The following PPP2R5A variants were observed in gnomAD, a reference collection of about 807,000 sequenced individuals.
PPP2R5A encodes protein phosphatase 2 regulatory subunit B'alpha.
A neutral mutation model predicts 64.2 loss-of-function variants in PPP2R5A; 25 were observed. The ratio of observed to expected loss-of-function variants is 0.39; its 90% CI spans 0.28 to 0.54. The LOEUF (loss-of-function observed/expected upper bound fraction) is 0.54. Among genes scored for constraint, PPP2R5A ranks in the 20% least tolerant of loss-of-function variants. The pLI is 0.67. For synonymous variants in PPP2R5A, 198 were observed against 201.2 expected (o/e 0.98, Z 0.13); for missense variants, 425 against 576.3 (o/e 0.74, Z 2.69).
At chr1:212,340,092 G>A (rs946170277) in intron 3 of PPP2R5A, among the ~76,000 whole-genome samples, 9 of 149,844 alleles carry the variant, frequency 6.0e-5, no homozygotes, top group Non-Finnish European at 1.0e-4. Flanking sequence ...CTGGGAGTTC[G>A]AGACCAGCCT....
At chr1:212,286,542 C>T (rs1027592664) in intron 1 of PPP2R5A, among the ~76,000 whole-genome samples, 1 of 152,176 alleles carries the variant, frequency 6.6e-6, no homozygotes, top group African/African-American at 2.4e-5. Context: ...GGCCAACACC[C>T]TTCCCCACCT....
intron 8 of PPP2R5A, among the ~76,000 whole-genome samples, chr1:212,351,172 TTATC>T (rs1205556847): frequency 6.6e-6 from 1 of 151,910 alleles, no homozygotes; most frequent in African/African-American, 2.4e-5. Flanking sequence ...TATTCAGCTT[TTATC>T]TGGTTTGGCT....
At chr1:212,338,368 T>C (rs1053062784) in intron 3 of PPP2R5A, among the ~76,000 whole-genome samples, 1 of 152,314 alleles carries the variant, frequency 6.6e-6, no homozygotes, top group Middle Eastern at 3.4e-3. Flanking sequence ...AGTTTGTCAT[T>C]TTATTAGTGA....
intron 3 of PPP2R5A, among the ~76,000 whole-genome samples, chr1:212,335,894 AC>A (rs1659586356): frequency 6.6e-6 from 1 of 152,124 alleles, no homozygotes; most frequent in South Asian, 2.1e-4. Context: ...TCTGAAAAAG[AC>A]CCCTTGGTCT....
intron 3 of PPP2R5A, among the ~76,000 whole-genome samples, chr1:212,336,827 C>T (rs772741763): frequency 9.2e-5 from 14 of 152,092 alleles, no homozygotes; most frequent in African/African-American, 2.2e-4. Context: ...TCTTTTGTTT[C>T]GTACTAAAAG....
chr1:212,323,929 G>C (rs139998782), intron 1 of PPP2R5A, among the ~76,000 whole-genome samples: 1 of 151,948 alleles, frequency 6.6e-6, no homozygotes, highest in Non-Finnish European at 1.5e-5. Context: ...AAAATTAGCC[G>C]GGTGTGGTGG....
At chr1:212,334,174 T>C (rs1054408819) in intron 3 of PPP2R5A, 2 of 152,282 alleles carry the variant, frequency 1.3e-5, no homozygotes, top group Non-Finnish European at 2.9e-5. Flanking sequence ...CACTTACCAG[T>C]TGATGGACAT....
Position 212,329,140 on chromosome 1 carries a change from A to T in PPP2R5A, c.187A>T (p.Thr63Ser), listed in dbSNP as rs1158162163. ...LHPLPQLKDA[T>S]SNEQQELFCQ... Reference sequence around the variant, plus strand: ...TTCTTTATTTTTATTTATAGATGCCACTTCAAATGAACAACAAGAGCTTTT... The same window carrying T: ...TTCTTTATTTTTATTTATAGATGCCTCTTCAAATGAACAACAAGAGCTTTT... The change falls in exon 2 of 13, where the codon ACT (threonine) becomes TCT (serine). Residue 63 changes from threonine (T) to serine (S), a missense_variant. Coordinates refer to ENST00000261461, the MANE Select transcript of PPP2R5A (RefSeq NM_006243.4). 1 of 1,499,828 alleles carries T rather than the reference A, an allele frequency of 6.7e-7. No individual in the cohort carries two copies. The highest frequency in any genetic ancestry group is 8.9e-7 in the Non-Finnish European group (1 of 1,122,516). The allele number at this position is 1,499,828 out of a possible 1,614,324, so 92.9% of individuals were successfully genotyped here.
chr1:212,356,852 A>G, intron 9 of PPP2R5A, 98 bp from the exon 10 acceptor site: 11 of 1,298,516 alleles, frequency 8.5e-6, no homozygotes, highest in Non-Finnish European at 1.2e-5. Context: ...TTTTTTGCTT[A>G]TTGTATACTA....
chr1:212,301,460 A>G lies in PPP2R5A; in HGVS notation c.181+15169A>G, dbSNP rs1357421204. ...CTTAAAATAATACATACATTTATAT[A>G]TTAGAACATTATCAAACTGGCAGTG... On this transcript the variant is annotated intron_variant, in intron 1 of 12. Transcript: ENST00000261461. Among the ~76,000 whole-genome samples the G allele has an allele frequency of 5.3e-5, 8 of 152,260 alleles. No individual in the cohort carries two copies. The East Asian group carries it at 1.5e-3, about 29-fold the overall frequency.
intron 1 of PPP2R5A, among the ~76,000 whole-genome samples, chr1:212,297,138 TG>T (rs386417852): frequency 7.7e-5 from 1 of 13,002 alleles, no homozygotes; most frequent in Non-Finnish European, 1.5e-4. Flanking sequence ...TTTTTTTTTT[TG>T]GAGACGGAGT....
At chr1:212,321,432 G>T (rs1432921526) in intron 1 of PPP2R5A, among the ~76,000 whole-genome samples, 3 of 151,784 alleles carry the variant, frequency 2.0e-5, no homozygotes, top group Non-Finnish European at 2.9e-5. Flanking sequence ...CTTCCCAGAC[G>T]GAGTGGCTGC....
chr1:212,322,270 G>GAGAGGA lies in PPP2R5A; in HGVS notation c.182-6860_182-6859insAAGAGG, dbSNP rs910106732. ...GAGGGAGAGGGAGAGGGAGAGGAGG[G>GAGAGGA]AGAGGGAGAGGAGGGAGAGGGAGAG... On this transcript the variant is annotated intron_variant, in intron 1 of 12. Coordinates refer to ENST00000261461, the MANE Select transcript of PPP2R5A (RefSeq NM_006243.4). Among the ~76,000 whole-genome samples, 3 of 147,194 alleles carry GAGAGGA rather than the reference G, an allele frequency of 2.0e-5. 1 individual carries two copies. Among genetic ancestry groups the GAGAGGA allele is most frequent in the African/African-American group, 7.6e-5 (3 of 39,690 alleles).
intron 1 of PPP2R5A, among the ~76,000 whole-genome samples, chr1:212,308,053 T>TTGCC (rs1423586264): frequency 1.3e-5 from 2 of 152,168 alleles, no homozygotes; most frequent in Non-Finnish European, 2.9e-5. Context: ...TTCTCAACTG[T>TTGCC]TGCCCAGGCT....
At chr1:212,360,544 G>GGTAA in intron 12 of PPP2R5A, 94 bp from the exon 13 acceptor site, 6 of 1,096,860 alleles carry the variant, frequency 5.5e-6, no homozygotes, top group South Asian at 1.9e-5. Context: ...GTGAAATGTG[G>GGTAA]GTAAGTAATG....
chr1:212,328,391 T>C (rs1659443883), intron 1 of PPP2R5A, among the ~76,000 whole-genome samples: 1 of 152,004 alleles, frequency 6.6e-6, no homozygotes, highest in Non-Finnish European at 1.5e-5. Context: ...AGGGTGGGAA[T>C]GTGGGAAGAA....
Position 212,360,711 on chromosome 1 carries a change from G to GA in PPP2R5A, c.1407dup (p.Gln470ThrfsTer3). ...GGAGCTAAAGCTAAAGAAAGCTCTA[G>GA]AAAAACAGAATAGTGCTTACAACAT... On this transcript the variant is annotated frameshift_variant, in exon 13 of 13. Coordinates refer to ENST00000261461, the MANE Select transcript of PPP2R5A (RefSeq NM_006243.4). LOFTEE classifies it high-confidence loss of function. The GA allele has an allele frequency of 1.3e-6, 2 of 1,599,516 alleles. No homozygotes were observed. Among genetic ancestry groups the GA allele is most frequent in the Non-Finnish European group, 8.5e-7 (1 of 1,173,550 alleles).
chr1:212,308,988 C>A, intron 1 of PPP2R5A: 1 of 652,642 alleles, frequency 1.5e-6, no homozygotes, highest in South Asian at 1.7e-5. Flanking sequence ...TGTCATCATA[C>A]CTTTCTTCTT....
chr1:212,331,606 T>TA (rs1021839290), intron 2 of PPP2R5A: 1 of 152,204 alleles, frequency 6.6e-6, no homozygotes, highest in African/African-American at 2.4e-5. Flanking sequence ...AAGTTTTTTT[T>TA]ATCATTTAAA....
Sources: allele counts gnomAD v4.1 joint callset (sites outside exome capture counted in the v4.1 genomes callset), GRCh38; gene constraint gnomAD v4.1.1; transcripts MANE v1.5; gene names NCBI Gene and HGNC (gene_info 2026-07-23, HGNC 2026-07-21).